The following LRRC4C variants were observed in gnomAD, a reference collection of about 807,000 sequenced individuals.
LRRC4C encodes the protein leucine rich repeat containing 4C, also known as leucine-rich repeat-containing protein 4C.
Under a neutral mutation model 33.6 loss-of-function variants are expected in LRRC4C, and 5 were observed. The ratio of observed to expected loss-of-function variants is 0.15; its 90% CI spans 0.08 to 0.31. LRRC4C has a LOEUF of 0.31. Ranked by LOEUF, LRRC4C falls within the 10% of genes least tolerant of loss-of-function variation. The pLI is 1.00. For synonymous variants in LRRC4C, 329 were observed against 302.0 expected (o/e 1.09, Z -0.93); for missense variants, 560 against 796.7 (o/e 0.70, Z 3.58).
chr11:40,880,379 G>A (rs564768078), intron 2 of LRRC4C, among the ~76,000 whole-genome samples: 1 of 152,106 alleles, frequency 6.6e-6, no homozygotes, highest in East Asian at 1.9e-4. Context: ...TAACTGAACA[G>A]ATATTTTTGA....
chr11:41,016,548 A>T (rs943514571), intron 1 of LRRC4C, among the ~76,000 whole-genome samples: 9 of 152,208 alleles, frequency 5.9e-5, no homozygotes, highest in African/African-American at 1.7e-4. Flanking sequence ...AAATGTCTTT[A>T]GTCCTTTACA....
chr11:40,189,302 A>G (rs754909167), intron 5 of LRRC4C, among the ~76,000 whole-genome samples: 11 of 152,166 alleles, frequency 7.2e-5, no homozygotes, highest in Admixed American at 2.0e-4. Flanking sequence ...GTTATTACAA[A>G]TTGGATTTTA....
chr11:40,237,367 A>G (rs1472880692), intron 5 of LRRC4C, among the ~76,000 whole-genome samples: 1 of 152,216 alleles, frequency 6.6e-6, no homozygotes, highest in Non-Finnish European at 1.5e-5. Flanking sequence ...CTGGTGGTAC[A>G]GAGCATTAGA....
chr11:41,233,564 C>T (rs537407942), intron 1 of LRRC4C, among the ~76,000 whole-genome samples: 11 of 151,986 alleles, frequency 7.2e-5, no homozygotes, highest in African/African-American at 1.7e-4. Flanking sequence ...AAATACATTA[C>T]GATACTAATG....
intron 3 of LRRC4C, among the ~76,000 whole-genome samples, chr11:40,381,742 C>T (rs1394954871): frequency 6.6e-6 from 1 of 152,006 alleles, no homozygotes; most frequent in African/African-American, 2.4e-5. Context: ...TATCATTGGC[C>T]AAGCATAATA....
intron 3 of LRRC4C, among the ~76,000 whole-genome samples, chr11:40,593,262 A>T (rs1308672764): frequency 6.6e-6 from 1 of 152,210 alleles, no homozygotes; most frequent in Non-Finnish European, 1.5e-5. Flanking sequence ...TGCTACCTTG[A>T]CTTAAACAAC....
chr11:41,234,261 T>G (rs1238620901), intron 1 of LRRC4C, among the ~76,000 whole-genome samples: 2 of 152,038 alleles, frequency 1.3e-5, no homozygotes, highest in Admixed American at 6.6e-5. Flanking sequence ...TTGTGTATAT[T>G]TATCATGTAC....
intron 5 of LRRC4C, among the ~76,000 whole-genome samples, chr11:40,190,979 T>C (rs1250557515): frequency 6.6e-6 from 1 of 152,150 alleles, no homozygotes; most frequent in Non-Finnish European, 1.5e-5. Context: ...TCAAAATGTG[T>C]TGATTTAGTT....
chr11:40,122,599 T>G (rs564829941), intron 6 of LRRC4C, among the ~76,000 whole-genome samples: 129 of 152,256 alleles, frequency 8.5e-4, no homozygotes, highest in African/African-American at 2.7e-3. Flanking sequence ...AGTGCCAAAC[T>G]TTGTGAGGTG....
intron 2 of LRRC4C, among the ~76,000 whole-genome samples, chr11:40,831,480 C>A (rs1952409417): frequency 6.6e-6 from 1 of 151,710 alleles, no homozygotes; most frequent in Admixed American, 6.6e-5. Context: ...TAAAATAATA[C>A]AAAAATAAAT....
chr11:40,194,625 TG>T (rs1348919121), intron 5 of LRRC4C, among the ~76,000 whole-genome samples: 1 of 112,366 alleles, frequency 8.9e-6, no homozygotes, highest in Non-Finnish European at 1.9e-5. Context: ...TGTCGGGGGG[TG>T]GGGGGCAAAG....
chr11:40,802,576 TCTTTAACC>T (rs1435233806), intron 2 of LRRC4C, among the ~76,000 whole-genome samples: 4 of 152,128 alleles, frequency 2.6e-5, no homozygotes, highest in Non-Finnish European at 5.9e-5. Context: ...AGCCATTATT[TCTTTAACC>T]CTTAATGTGT....
chr11:40,153,420 A>G (rs1299539568), intron 5 of LRRC4C, among the ~76,000 whole-genome samples: 1 of 152,158 alleles, frequency 6.6e-6, no homozygotes, highest in Non-Finnish European at 1.5e-5. Flanking sequence ...TTCACCAGCA[A>G]TGGATCCAAA....
chr11:41,321,906 C>G (rs1045016466), intron 1 of LRRC4C, among the ~76,000 whole-genome samples: 1 of 151,954 alleles, frequency 6.6e-6, no homozygotes, highest in African/African-American at 2.4e-5. Context: ...TTCTTGTCGC[C>G]TGGGCTGGAG....
intron 3 of LRRC4C, among the ~76,000 whole-genome samples, chr11:40,492,092 A>G (rs1348787726): frequency 6.6e-6 from 1 of 152,200 alleles, no homozygotes; most frequent in Non-Finnish European, 1.5e-5. Flanking sequence ...TAGAGAGTTC[A>G]GATACAAAAT....
At chr11:41,180,530 G>A (rs549097760) in intron 1 of LRRC4C, among the ~76,000 whole-genome samples, 7 of 152,268 alleles carry the variant, frequency 4.6e-5, no homozygotes, top group South Asian at 2.1e-4. Context: ...GAGATCGTCC[G>A]CTTCCACTTG....
chr11:40,481,633 C>G (rs1224000696), intron 3 of LRRC4C, among the ~76,000 whole-genome samples: 1 of 151,850 alleles, frequency 6.6e-6, no homozygotes, highest in South Asian at 2.1e-4. Context: ...TTTATGGACC[C>G]CATACAATAC....
chr11:40,582,436 A>G (rs1184182895), intron 3 of LRRC4C, among the ~76,000 whole-genome samples: 3 of 151,786 alleles, frequency 2.0e-5, no homozygotes, highest in Non-Finnish European at 2.9e-5. Context: ...AAACTCATCC[A>G]TAGTCTTTAA....
chr11:40,354,906 A>T lies in LRRC4C; in HGVS notation c.-269-35185T>A, dbSNP rs574952962. 2.8e-4 allele frequency among the ~76,000 whole-genome samples: 42 copies of T among 152,206 alleles called. No homozygotes were observed. The South Asian group carries it at 8.7e-3, about 32-fold the overall frequency. ...CCCCCTCCTTTCTGCAAGCAGAAGG[A>T]ATCTTTATCCATAGCCACCATAGCT... On this transcript the variant is annotated intron_variant, in intron 3 of 6. Transcript: ENST00000528697.
Sources: allele counts gnomAD v4.1 joint callset (sites outside exome capture counted in the v4.1 genomes callset), GRCh38; gene constraint gnomAD v4.1.1; transcripts MANE v1.5; gene names NCBI Gene and HGNC (gene_info 2026-07-23, HGNC 2026-07-21).